SEMA6D: variants seen among roughly 807,000 people sequenced by gnomAD.
The protein encoded by SEMA6D is semaphorin-6D.
SEMA6D carries 35 observed loss-of-function variants against 106.6 expected under a neutral mutation model. The observed-to-expected ratio is 0.33, with a 90% CI of 0.25 to 0.44. The LOEUF is 0.44. Among genes scored for constraint, SEMA6D ranks in the 20% least tolerant of loss-of-function variants. The pLI is 1.00. For synonymous variants in SEMA6D, 499 were observed against 487.7 expected (o/e 1.02, Z -0.31); for missense variants, 1,185 against 1,345.9 (o/e 0.88, Z 1.87).
rs988712588 is a variant in SEMA6D, at chr15:47,526,740, AT to A, written c.-87+56207del. On this transcript the variant is annotated intron_variant, in intron 3 of 19. Transcript: ENST00000558014. The stretch of plus-strand genomic sequence containing the variant: ...CAATATGGAACCAATAATTATTATT[AT>A]TTTTTTTTTTTCTGAGACGGAGTCT... Among the ~76,000 whole-genome samples the A allele has an allele frequency of 6.2e-3, 910 of 147,628 alleles. 4 individuals carry two copies. Among genetic ancestry groups the A allele is most frequent in the African/African-American group, 0.021 (840 of 40,282 alleles).
At chr15:47,490,329 C>G (rs1262887329) in intron 3 of SEMA6D, among the ~76,000 whole-genome samples, 1 of 152,038 alleles carries the variant, frequency 6.6e-6, no homozygotes, top group African/African-American at 2.4e-5. Flanking sequence ...AAGTTAAAAA[C>G]TTTTATTCCC....
At chr15:47,424,743 A>G (rs2041277502) in intron 2 of SEMA6D, among the ~76,000 whole-genome samples, 1 of 152,146 alleles carries the variant, frequency 6.6e-6, no homozygotes, top group African/African-American at 2.4e-5. Context: ...TTTCCCTTCC[A>G]CTTCTGAAGG....
chr15:47,241,713 C>A (rs2032920193), intron 1 of SEMA6D, among the ~76,000 whole-genome samples: 1 of 151,694 alleles, frequency 6.6e-6, no homozygotes, highest in Admixed American at 6.6e-5. Context: ...AAAAAAAAAC[C>A]TCTTAAAAAT....
chr15:47,368,631 C>T (rs1387153051), intron 1 of SEMA6D, among the ~76,000 whole-genome samples: 3 of 152,126 alleles, frequency 2.0e-5, no homozygotes, highest in Non-Finnish European at 4.4e-5. Context: ...CCACTACGCC[C>T]GAAATTAGCC....
intron 1 of SEMA6D, among the ~76,000 whole-genome samples, chr15:47,219,830 C>T (rs569076495): frequency 6.6e-6 from 1 of 152,170 alleles, no homozygotes; most frequent in Non-Finnish European, 1.5e-5. Context: ...CTGGTCTTGG[C>T]TAGACTTCTT....
At chr15:47,457,406 A>G (rs2042376696) in intron 2 of SEMA6D, among the ~76,000 whole-genome samples, 1 of 152,034 alleles carries the variant, frequency 6.6e-6, no homozygotes, top group African/African-American at 2.4e-5. Flanking sequence ...AGATGAAAGT[A>G]TCAGCACACA....
chr15:47,729,697 A>G (rs1294967520), intron 1 of SEMA6D, among the ~76,000 whole-genome samples: 1 of 152,228 alleles, frequency 6.6e-6, no homozygotes, highest in Non-Finnish European at 1.5e-5. Context: ...CTAGGTTTCC[A>G]AAGAACTGTA....
At chr15:47,607,547 A>G (rs2143732109) in intron 4 of SEMA6D, among the ~76,000 whole-genome samples, 1 of 152,336 alleles carries the variant, frequency 6.6e-6, no homozygotes, top group South Asian at 2.1e-4. Flanking sequence ...TATTTAAAAC[A>G]AGCAAGCAGA....
At chr15:47,453,805 C>A (rs530369096) in intron 2 of SEMA6D, among the ~76,000 whole-genome samples, 5 of 151,930 alleles carry the variant, frequency 3.3e-5, no homozygotes, top group Non-Finnish European at 7.4e-5. Flanking sequence ...GCATGCCTTA[C>A]ACAGGCTTGA....
At chr15:47,671,749 C>CA (rs1392137656) in intron 4 of SEMA6D, among the ~76,000 whole-genome samples, 9 of 151,678 alleles carry the variant, frequency 5.9e-5, no homozygotes, top group Non-Finnish European at 1.0e-4. Context: ...GTGGTGGTAG[C>CA]AATAAAACGG....
At chr15:47,647,546 G>A (rs1313033205) in intron 4 of SEMA6D, among the ~76,000 whole-genome samples, 1 of 152,108 alleles carries the variant, frequency 6.6e-6, no homozygotes, top group Non-Finnish European at 1.5e-5. Context: ...ATATTTTAGT[G>A]GCAAAGCACA....
intron 1 of SEMA6D, 32 bp from the exon 2 acceptor site, chr15:47,759,713 A>C: frequency 7.0e-5 from 65 of 933,040 alleles, no homozygotes; most frequent in Non-Finnish European, 9.9e-5. Flanking sequence ...ATTGCAGCAT[A>C]GAGATCTTTC....
chr15:47,235,036 C>T (rs1019278244), intron 1 of SEMA6D, among the ~76,000 whole-genome samples: 1 of 151,992 alleles, frequency 6.6e-6, no homozygotes, highest in African/African-American at 2.4e-5. Flanking sequence ...TAATAATGGC[C>T]ATTCTGATTG....
intron 1 of SEMA6D, among the ~76,000 whole-genome samples, chr15:47,233,113 T>C (rs1389271611): frequency 1.3e-5 from 2 of 152,042 alleles, no homozygotes; most frequent in Non-Finnish European, 2.9e-5. Flanking sequence ...TTTGAGTTAA[T>C]TTTTATATAT....
At chr15:47,657,622 A>G (rs1295649582) in intron 4 of SEMA6D, among the ~76,000 whole-genome samples, 2 of 149,146 alleles carry the variant, frequency 1.3e-5, no homozygotes, top group African/African-American at 2.5e-5. Flanking sequence ...CTCAACATGT[A>G]TACCTTTTTT....
chr15:47,750,361 T>G (rs1405256593), intron 1 of SEMA6D, among the ~76,000 whole-genome samples: 1 of 152,204 alleles, frequency 6.6e-6, no homozygotes, highest in East Asian at 1.9e-4. Context: ...TCTACAGTTT[T>G]AATTTAGCAG....
intron 2 of SEMA6D, among the ~76,000 whole-genome samples, chr15:47,413,044 G>T (rs1438320464): frequency 6.6e-6 from 1 of 152,116 alleles, no homozygotes; most frequent in Admixed American, 6.5e-5. Flanking sequence ...AGTGATAATG[G>T]TGACTGTTGA....
chr15:47,690,906 T>C (rs1431535219), intron 4 of SEMA6D, among the ~76,000 whole-genome samples: 2 of 152,168 alleles, frequency 1.3e-5, no homozygotes, highest in Non-Finnish European at 2.9e-5. Flanking sequence ...TATATAACCA[T>C]AGGATAATTT....
At chr15:47,373,292 C>T (rs1013990805) in intron 1 of SEMA6D, among the ~76,000 whole-genome samples, 10 of 152,260 alleles carry the variant, frequency 6.6e-5, no homozygotes, top group Admixed American at 1.3e-4. Flanking sequence ...CAGGAGAGCT[C>T]CTCTCCACCC....
Sources: gnomAD v4.1 joint callset for allele counts (sites outside exome capture counted in the v4.1 genomes callset) on GRCh38, gnomAD v4.1.1 for gene constraint, MANE v1.5 for transcripts, NCBI Gene and HGNC (gene_info 2026-07-23, HGNC 2026-07-21) for gene names.